ATP11A: variants seen among roughly 807,000 people sequenced by gnomAD.
The protein encoded by ATP11A is phospholipid-transporting ATPase IH.
ATP11A carries 81 observed loss-of-function variants against 154.4 expected under a neutral mutation model. That is an observed-to-expected ratio of 0.52 (90% CI 0.44 to 0.63). ATP11A has a LOEUF of 0.63. ATP11A is among the 30% of genes least tolerant of loss of function. The pLI is 0.00. For missense variants in ATP11A, 1,316 were observed against 1,474.3 expected (o/e 0.89, Z 1.76); for synonymous variants, 623 against 585.9 (o/e 1.06, Z -0.91).
chr13:112,732,018 C>T (rs1168913585), intron 1 of ATP11A, among the ~76,000 whole-genome samples: 3 of 151,996 alleles, frequency 2.0e-5, no homozygotes, highest in South Asian at 2.1e-4. Flanking sequence ...GACAGTGGCC[C>T]GCAGCGGCAT....
At chr13:112,854,086 G>A (rs2079852695) in intron 18 of ATP11A, among the ~76,000 whole-genome samples, 193 bp from the exon 19 acceptor site, 1 of 152,200 alleles carries the variant, frequency 6.6e-6, no homozygotes, top group African/African-American at 2.4e-5. Context: ...GTGTTTCGCT[G>A]TGAAACACTA....
At chr13:112,787,342 G>C (rs375778752) in intron 2 of ATP11A, among the ~76,000 whole-genome samples, 617 of 58,378 alleles carry the variant, frequency 0.011, no homozygotes, top group Middle Eastern at 0.07. Flanking sequence ...CTACTTAATT[G>C]ACACCGGGTG....
rs1892210132 is a variant in ATP11A, at chr13:112,746,746, T to C, written c.40-38389T>C. The stretch of plus-strand genomic sequence containing the variant: ...AAAAAAAAAAAAAGACAACTTTTTT[T>C]GGAGAGGGAGGGTCTCATTAGGTTG... On this transcript the variant is annotated intron_variant, in intron 1 of 29. Transcript: ENST00000375645. The surrounding 1 kb of genome is among the most constrained non-coding windows in gnomAD (Gnocchi z 4.1). 1 of 151,542 alleles carries C rather than the reference T, an allele frequency of 6.6e-6. No homozygotes were observed. The highest frequency in any genetic ancestry group is 1.5e-5 in the Non-Finnish European group (1 of 67,940). 9.4% of individuals were successfully genotyped at this position (151,542 alleles called of 1,614,324 possible). A position where few individuals can be genotyped will look rare whatever the true frequency, so the allele number is the denominator to read the frequency against.
At chr13:112,719,014 G>T (rs1888834764) in intron 1 of ATP11A, among the ~76,000 whole-genome samples, 1 of 152,150 alleles carries the variant, frequency 6.6e-6, no homozygotes, top group African/African-American at 2.4e-5. Flanking sequence ...TTGAGGGAGG[G>T]TTAGGATTTC....
At chr13:112,865,269 T>C (rs1441430754) in intron 25 of ATP11A, among the ~76,000 whole-genome samples, 1 of 145,748 alleles carries the variant, frequency 6.9e-6, no homozygotes, top group Non-Finnish European at 1.5e-5. Context: ...GTGCGGCCCA[T>C]GCAGCTTCCC....
chr13:112,791,385 A>C (rs1267959637), intron 2 of ATP11A, among the ~76,000 whole-genome samples: 1 of 152,096 alleles, frequency 6.6e-6, no homozygotes, highest in Admixed American at 6.5e-5. Context: ...CCTGGGGCGG[A>C]GCTCGCCCGA....
chr13:112,806,816 G>A lies in ATP11A; in HGVS notation c.333+523G>A, dbSNP rs189368986. ...AGTCCCTCCCCATTTTCTCCTCCCC[G>A]TCCCTGGCAAAGACTCATGTTTCTG... On this transcript the variant is annotated intron_variant, in intron 4 of 29. Transcript: ENST00000375645. Among the ~76,000 whole-genome samples, 499 of 151,852 alleles carry A rather than the reference G, an allele frequency of 3.3e-3. 1 individual carries two copies. Among genetic ancestry groups the A allele is most frequent in the African/African-American group, 0.011 (450 of 41,386 alleles).
chr13:112,729,269 T>C (rs932574398), intron 1 of ATP11A, among the ~76,000 whole-genome samples: 3 of 152,148 alleles, frequency 2.0e-5, no homozygotes, highest in Non-Finnish European at 4.4e-5. Context: ...TCGTTAACGA[T>C]TGGATGTTGT....
Position 112,859,475 on chromosome 13 carries a change from A to T in ATP11A, c.2727+23A>T. On this transcript the variant is annotated intron_variant, in intron 23 of 29. Transcript: ENST00000375645. This position sits in a 1 kb window ranked among gnomAD's most constrained non-coding sequence, Gnocchi z 4.3. ...CAGGTCAGTCCTAGGGTCTTCAGGG[A>T]CAGGCTGTCTGAGCCTTCTTTTCCT... The T allele has an allele frequency of 6.2e-7, 1 of 1,602,090 alleles. No homozygotes were observed. Among genetic ancestry groups the T allele is most frequent in the South Asian group, 1.1e-5 (1 of 90,724 alleles).
At chr13:112,848,903 G>T (rs2079683157) in intron 17 of ATP11A, among the ~76,000 whole-genome samples, 1 of 152,214 alleles carries the variant, frequency 6.6e-6, no homozygotes, top group African/African-American at 2.4e-5. Context: ...GGCCAGTCTG[G>T]TCTTGAATTC....
intron 2 of ATP11A, among the ~76,000 whole-genome samples, chr13:112,789,482 C>T (rs1434894299): frequency 6.8e-6 from 1 of 147,046 alleles, no homozygotes; most frequent in African/African-American, 2.6e-5. Context: ...ACTTAATTCA[C>T]ACCAGTGTCC....
Position 112,728,517 on chromosome 13 carries a change from C to T in ATP11A, c.39+38062C>T, listed in dbSNP as rs185387562. Among the ~76,000 whole-genome samples, 6 of 150,054 alleles carry T rather than the reference C, an allele frequency of 4.0e-5. No individual in the cohort carries two copies. The East Asian group carries it at 1.2e-3, about 30-fold the overall frequency. On this transcript the variant is annotated intron_variant, in intron 1 of 29. Coordinates refer to ENST00000375645, the MANE Select transcript of ATP11A (RefSeq NM_015205.3). ...GTATGTACCGCGTTATCAGTATCCA[C>T]GCGTGGAGGGGGCCGTGAGACTGTG...
chr13:112,823,427 T>C lies in ATP11A; in HGVS notation c.790+18T>C, dbSNP rs779197620. The C allele has an allele frequency of 7.6e-6, 12 of 1,579,844 alleles. No individual in the cohort carries two copies. The South Asian group carries it at 1.3e-4, about 18-fold the overall frequency. Reference sequence around the variant, plus strand: ...AATCTTTGGTAAATATTTAATTAATTATTAACCATTGCCCCTAACATTAAG... The same window carrying C: ...AATCTTTGGTAAATATTTAATTAATCATTAACCATTGCCCCTAACATTAAG... On this transcript the variant is annotated intron_variant, in intron 9 of 29. Transcript: ENST00000375645.
At position 112,885,260 on chromosome 13, in the gene ATP11A, A is replaced by C. The variant is rs1227180706; in HGVS notation, c.*3394A>C. 6.6e-6 allele frequency: 1 copy of C among 150,824 alleles called. No homozygotes were observed. The highest frequency in any genetic ancestry group is 6.6e-5 in the Admixed American group (1 of 15,070). The allele number at this position is 150,824 out of a possible 1,614,324, so 9.3% of individuals were successfully genotyped here. On this transcript the variant is annotated 3_prime_UTR_variant, in exon 30 of 30. Coordinates refer to ENST00000375645, the MANE Select transcript of ATP11A (RefSeq NM_015205.3). ...TACACACATGCATGTACAGGTAAGCACACATGTACAAGCTCCTACAGGCTT... is the reference window on the plus strand; with the variant it reads ...TACACACATGCATGTACAGGTAAGCCCACATGTACAAGCTCCTACAGGCTT...
In ATP11A at chr13:112,780,477, GTGTTGC is replaced by G. The variant is rs558739449; in HGVS notation, c.40-4654_40-4649del. On this transcript the variant is annotated intron_variant, in intron 1 of 29. Transcript: ENST00000375645. ...CATGGGATGCTTTCTGTCCCCACGC[GTGTTGC>G]TGTGGGTGTCGGCGCTTCCTTCCTT... Among the ~76,000 whole-genome samples the G allele has an allele frequency of 6.3e-4, 96 of 152,328 alleles. 1 individual carries two copies. In the East Asian group the frequency reaches 0.017, roughly 27 times the overall value.
At chr13:112,736,762 A>G (rs1323943873) in intron 1 of ATP11A, among the ~76,000 whole-genome samples, 1 of 152,214 alleles carries the variant, frequency 6.6e-6, no homozygotes, top group African/African-American at 2.4e-5. Flanking sequence ...ATATTACTAA[A>G]CTTACATTGA....
intron 1 of ATP11A, among the ~76,000 whole-genome samples, chr13:112,755,791 G>T (rs576656451): frequency 1.1e-4 from 12 of 108,100 alleles, no homozygotes; most frequent in African/African-American, 2.0e-4. Context: ...CACGGAAGCG[G>T]CACTCAGAGC....
intron 1 of ATP11A, among the ~76,000 whole-genome samples, chr13:112,723,774 T>C (rs967715259): frequency 1.3e-5 from 2 of 152,014 alleles, no homozygotes; most frequent in African/African-American, 4.8e-5. Flanking sequence ...TTATTTTTAG[T>C]TTGCAAGTTG....
chr13:112,721,903 C>T (rs539933847), intron 1 of ATP11A, among the ~76,000 whole-genome samples: 10 of 152,332 alleles, frequency 6.6e-5, no homozygotes, highest in South Asian at 2.1e-4. Flanking sequence ...GCACCGCAGC[C>T]GCTGGAGGCG....
Sources: allele counts gnomAD v4.1 joint callset (sites outside exome capture counted in the v4.1 genomes callset), GRCh38; gene constraint gnomAD v4.1.1; non-coding constraint Gnocchi (gnomAD v3.1); transcripts MANE v1.5; gene names NCBI Gene and HGNC (gene_info 2026-07-23, HGNC 2026-07-21).